PHLDB2: variants seen among roughly 807,000 people sequenced by gnomAD.
The protein encoded by PHLDB2 is pleckstrin homology like domain family B member 2, also known as pleckstrin homology-like domain family B member 2.
In PHLDB2, 71 loss-of-function variants were observed where a neutral mutation model predicts 123.6. The observed-to-expected ratio is 0.57, with a 90% confidence interval of 0.47 to 0.70. The LOEUF (loss-of-function observed/expected upper bound fraction) is 0.70, where lower values mean the gene tolerates loss of function less well. Among genes scored for constraint, PHLDB2 ranks in the 30% least tolerant of loss-of-function variants. The pLI is 0.00. For synonymous variants in PHLDB2, 547 were observed against 541.6 expected (o/e 1.01, Z -0.14); for missense variants, 1,446 against 1,519.5 (o/e 0.95, Z 0.80).
rs558993553 is a variant in PHLDB2 at position 111,791,531 on chromosome 3, C to T, written c.-48-54290C>T. 2.8e-3 allele frequency among the ~76,000 whole-genome samples: 424 copies of T among 152,262 alleles called. 2 individuals are homozygous for T. The highest frequency in any genetic ancestry group is 7.0e-3 in the South Asian group (34 of 4,826). On this transcript the variant is annotated intron_variant, in intron 1 of 17. Transcript: ENST00000393923. ...TTAAGAGATAATGCAAAACTGTTTT[C>T]CAGAGTTGTTGTACCAACTCAATCT...
At chr3:111,928,322 T>C (rs1038761584) in intron 5 of PHLDB2, among the ~76,000 whole-genome samples, 2 of 152,210 alleles carry the variant, frequency 1.3e-5, no homozygotes, top group Non-Finnish European at 2.9e-5. Context: ...ATATATTCAT[T>C]AGAAAAATCA....
intron 2 of PHLDB2, among the ~76,000 whole-genome samples, chr3:111,896,874 CA>C (rs145468298): frequency 0.014 from 2,120 of 151,958 alleles, 54 homozygotes; most frequent in African/African-American, 0.049. Flanking sequence ...GTCACTTAAA[CA>C]AAATAATCTC....
intron 12 of PHLDB2, among the ~76,000 whole-genome samples, chr3:111,955,756 T>C (rs2071013984): frequency 1.3e-5 from 2 of 152,160 alleles, no homozygotes; most frequent in African/African-American, 4.8e-5. Flanking sequence ...TTTTTAAATA[T>C]ATTTTTCCCA....
In PHLDB2 at chr3:111,758,201, C is replaced by T. The variant is rs1019679349; in HGVS notation, c.-49+25498C>T. Among the ~76,000 whole-genome samples the T allele has an allele frequency of 8.6e-5, 13 of 152,004 alleles. 1 individual carries two copies. ...CTTTTTGTTTGTCTGTGCCCTGCCC[C>T]TAGAGGTGGAGCCTATAGAGGCAGG... On this transcript the variant is annotated intron_variant, in intron 1 of 17. Coordinates refer to the PHLDB2 transcript ENST00000393923.
At chr3:111,774,718 A>G (rs1260145660) in intron 1 of PHLDB2, among the ~76,000 whole-genome samples, 1 of 152,166 alleles carries the variant, frequency 6.6e-6, no homozygotes, top group East Asian at 1.9e-4. Context: ...GAACACTGTC[A>G]ATTTACTAGG....
intron 9 of PHLDB2, among the ~76,000 whole-genome samples, chr3:111,946,025 T>C (rs77881000): frequency 2.0e-5 from 3 of 151,302 alleles, no homozygotes; most frequent in Non-Finnish European, 2.9e-5. Context: ...AGAAAAAAAA[T>C]AGTTTATATA....
intron 15 of PHLDB2, 142 bp from the exon 16 acceptor site, chr3:111,969,548 T>C: frequency 1.5e-6 from 1 of 648,800 alleles, no homozygotes; most frequent in Non-Finnish European, 2.6e-6. Context: ...AAATCATAAG[T>C]GCTTTGTTTA....
chr3:111,952,323 G>A lies in PHLDB2; in HGVS notation c.2632-249G>A, dbSNP rs192657535. 1.1e-3 allele frequency among the ~76,000 whole-genome samples: 174 copies of A among 152,266 alleles called. 1 individual carries two copies. Among genetic ancestry groups the A allele is most frequent in the Non-Finnish European group, 2.2e-4 (15 of 68,014 alleles). ...TAAGTTGTCCTGAGGCCCCAAGGCCGCAGGCACTACAGAAGTGAAAGGTGG... is the reference window on the plus strand; with the variant it reads ...TAAGTTGTCCTGAGGCCCCAAGGCCACAGGCACTACAGAAGTGAAAGGTGG... On this transcript the variant is annotated intron_variant, in intron 10 of 17. Transcript: ENST00000431670.
intron 5 of PHLDB2, among the ~76,000 whole-genome samples, chr3:111,921,649 G>A (rs1257753455): frequency 7.2e-6 from 1 of 139,552 alleles, no homozygotes; most frequent in Non-Finnish European, 1.5e-5. Context: ...TGTCGCCCAG[G>A]CTGGAGTGCA....
chr3:111,734,130 G>A (rs1276163282), intron 1 of PHLDB2, among the ~76,000 whole-genome samples: 1 of 152,188 alleles, frequency 6.6e-6, no homozygotes, highest in African/African-American at 2.4e-5. Flanking sequence ...TCTCAAGAAT[G>A]TTGTGGAGAA....
intron 1 of PHLDB2, among the ~76,000 whole-genome samples, chr3:111,818,165 G>GGTGTGTGTGTGTGTGTGT (rs5851789): frequency 4.1e-5 from 6 of 147,706 alleles, no homozygotes; most frequent in African/African-American, 1.2e-4. Context: ...TTAAAAAACT[G>GGTGTGTGTGTGTGTGTGT]GTGTGTGTGT....
chr3:111,954,923 G>A (rs1483613941), intron 12 of PHLDB2, among the ~76,000 whole-genome samples: 1 of 152,108 alleles, frequency 6.6e-6, no homozygotes, highest in Non-Finnish European at 1.5e-5. Context: ...CATTCATGCA[G>A]TGATGGGATT....
At chr3:111,934,467 A>T (rs1379536742) in intron 6 of PHLDB2, among the ~76,000 whole-genome samples, 1 of 152,230 alleles carries the variant, frequency 6.6e-6, no homozygotes. Context: ...TAGCTTCATT[A>T]GGTGGTAAGT....
intron 1 of PHLDB2, among the ~76,000 whole-genome samples, chr3:111,770,378 T>C (rs749940650): frequency 6.6e-6 from 1 of 152,228 alleles, no homozygotes; most frequent in Non-Finnish European, 1.5e-5. Context: ...TACCAATTAG[T>C]AAGATTGCAA....
rs1559858314 is a variant in PHLDB2 at position 111,834,237 on chromosome 3, A to ATTATATG, written c.-48-11583_-48-11582insTATATGT. Among the ~76,000 whole-genome samples the ATTATATG allele has an allele frequency of 7.6e-3, 545 of 72,182 alleles. 110 individuals are homozygous for ATTATATG. Among genetic ancestry groups the ATTATATG allele is most frequent in the African/African-American group, 0.027 (294 of 10,894 alleles). The allele number at this position is 72,182 out of a possible 152,430, so 47.4% of individuals were successfully genotyped here. The stretch of plus-strand genomic sequence containing the variant: ...ATAGAATTATATATATATTATGTAT[A>ATTATATG]TAATAGAATTATATATATAATTCTA... On this transcript the variant is annotated intron_variant, in intron 1 of 17. Transcript: ENST00000393923.
chr3:111,972,326 T>G (rs1228651690), intron 16 of PHLDB2, among the ~76,000 whole-genome samples: 1 of 152,090 alleles, frequency 6.6e-6, no homozygotes, highest in Non-Finnish European at 1.5e-5. Flanking sequence ...GAAAAAAATA[T>G]CGTCAATGGG....
At chr3:111,936,971 T>G (rs2069533795) in intron 6 of PHLDB2, among the ~76,000 whole-genome samples, 1 of 152,248 alleles carries the variant, frequency 6.6e-6, no homozygotes, top group African/African-American at 2.4e-5. Context: ...TTTTAACTCA[T>G]TAATTCTTTT....
chr3:111,804,523 T>C (rs1207515757), intron 1 of PHLDB2, among the ~76,000 whole-genome samples: 1 of 152,218 alleles, frequency 6.6e-6, no homozygotes, highest in Non-Finnish European at 1.5e-5. Flanking sequence ...TACTGATGTA[T>C]TGTTTTCTAC....
chr3:111,918,632 G>A (rs1193395990), intron 3 of PHLDB2, among the ~76,000 whole-genome samples: 1 of 152,182 alleles, frequency 6.6e-6, no homozygotes, highest in Non-Finnish European at 1.5e-5. Flanking sequence ...TCCTCACCTG[G>A]AAGATGGGAG....
Sources: gnomAD v4.1 joint callset for allele counts (sites outside exome capture counted in the v4.1 genomes callset) on GRCh38, gnomAD v4.1.1 for gene constraint, MANE v1.5 for transcripts, NCBI Gene and HGNC (gene_info 2026-07-23, HGNC 2026-07-21) for gene names.